SAFB2: variants seen among roughly 807,000 people sequenced by gnomAD.
SAFB2 encodes scaffold attachment factor B2.
Under a neutral mutation model 100.6 loss-of-function variants are expected in SAFB2, and 32 were observed. That is an observed-to-expected ratio of 0.32 (90% CI 0.24 to 0.43). The LOEUF (loss-of-function observed/expected upper bound fraction) is 0.43, where lower values mean the gene tolerates loss of function less well. SAFB2 is among the 20% of genes least tolerant of loss of function. The probability of loss-of-function intolerance (pLI) is 1.00; values close to 1 mark genes in which losing one functional copy is unlikely to be tolerated. For synonymous variants in SAFB2, 500 were observed against 439.4 expected (o/e 1.14, Z -1.72); for missense variants, 1,185 against 1,163.4 (o/e 1.02, Z -0.27).
At chr19:5,617,879 C>T (rs1007120200) in intron 2 of SAFB2, among the ~76,000 whole-genome samples, 2 of 152,136 alleles carry the variant, frequency 1.3e-5, no homozygotes, top group African/African-American at 2.4e-5. Flanking sequence ...CAGTGGTTCA[C>T]GCCTGTAATC....
chr19:5,587,288 T>G lies in SAFB2; in HGVS notation c.2817A>C (p.Pro939=), dbSNP rs1159510618. The change falls in exon 21 of 21, where the codon CCA becomes CCC. Residue 939 remains proline (P), a synonymous_variant. Transcript: ENST00000252542. The surrounding 1 kb of genome is among the most constrained non-coding windows in gnomAD (Gnocchi z 4.9). ...SQDRGSRVPH[P]HPHPPPYPHF... is the part of the protein sequence containing the mutation. ...GGGGGTACGGGGGGGGATGAGGGTGTGGGTGAGGGACTCTGCTGCCCCGGT... is the reference window on the plus strand; with the variant it reads ...GGGGGTACGGGGGGGGATGAGGGTGGGGGTGAGGGACTCTGCTGCCCCGGT... The G allele has an allele frequency of 1.2e-6, 2 of 1,610,308 alleles. No homozygotes were observed. The highest frequency in any genetic ancestry group is 2.2e-5 in the South Asian group (2 of 90,792).
chr19:5,614,883 C>T (rs759762843), intron 4 of SAFB2, among the ~76,000 whole-genome samples: 1 of 152,220 alleles, frequency 6.6e-6, no homozygotes, highest in Non-Finnish European at 1.5e-5. Flanking sequence ...CTGTACTTTA[C>T]ATCTTTTAAT....
intron 18 of SAFB2, among the ~76,000 whole-genome samples, chr19:5,588,305 T>C (rs187197970): frequency 1.3e-5 from 2 of 151,728 alleles, no homozygotes; most frequent in East Asian, 3.9e-4. Flanking sequence ...CCACTGCTGG[T>C]GGAAATGTAA....
chr19:5,621,186 C>G, intron 2 of SAFB2, 123 bp downstream of exon 2: 1 of 716,940 alleles, frequency 1.4e-6, no homozygotes, highest in Non-Finnish European at 2.6e-6. Flanking sequence ...AAAGCTAACT[C>G]TTAGTGGAGG....
At chr19:5,602,132 T>A (rs1471240849) in intron 11 of SAFB2, among the ~76,000 whole-genome samples, 1 of 151,968 alleles carries the variant, frequency 6.6e-6, no homozygotes, top group African/African-American at 2.4e-5. Flanking sequence ...CAAAACAAAT[T>A]TTTAAATGCT....
chr19:5,600,005 A>G (rs910842003), intron 12 of SAFB2, 125 bp downstream of exon 12: 5 of 958,124 alleles, frequency 5.2e-6, no homozygotes, highest in Middle Eastern at 5.6e-4. Context: ...TTTCTTTAAC[A>G]CTGCCATATG....
rs1470294925 is a variant in SAFB2 at position 5,587,793 on chromosome 19, C to T, written c.2639-26G>A. The T allele has an allele frequency of 6.4e-7, 1 of 1,554,974 alleles. No homozygotes were observed. The highest frequency in any genetic ancestry group is 2.0e-5 in the Admixed American group (1 of 51,202). On this transcript the variant is annotated intron_variant, in intron 19 of 20. Coordinates refer to ENST00000252542, the MANE Select transcript of SAFB2 (RefSeq NM_014649.3). This position sits in a 1 kb window ranked among gnomAD's most constrained non-coding sequence, Gnocchi z 4.9. ...CTAGAAGAGAAGAAGGGTCTGCAAA[C>T]ACTCCGTTCCTGGGGAAGCCCCTGG... is the stretch of plus-strand genomic sequence containing the variant.
At chr19:5,621,557 A>G (rs915895204) in intron 1 of SAFB2, among the ~76,000 whole-genome samples, 161 bp from the exon 2 acceptor site, 12 of 152,210 alleles carry the variant, frequency 7.9e-5, no homozygotes, top group Non-Finnish European at 1.6e-4. Flanking sequence ...CGGAGGAGGA[A>G]CCCCGCACAA....
intron 2 of SAFB2, among the ~76,000 whole-genome samples, chr19:5,619,413 C>T (rs989197337): frequency 1.3e-5 from 2 of 152,236 alleles, no homozygotes; most frequent in African/African-American, 2.4e-5. Flanking sequence ...ACTTTATCAT[C>T]CAAGCTTTCC....
chr19:5,620,608 T>C (rs76586344), intron 2 of SAFB2, among the ~76,000 whole-genome samples: 4 of 152,234 alleles, frequency 2.6e-5, no homozygotes, highest in Admixed American at 6.5e-5. Context: ...CTACATGAAA[T>C]GTCCACAATA....
chr19:5,607,005 T>C (rs2052789169), intron 9 of SAFB2, among the ~76,000 whole-genome samples: 1 of 152,232 alleles, frequency 6.6e-6, no homozygotes, highest in Non-Finnish European at 1.5e-5. Context: ...CTCACGCCTG[T>C]AATCTCAGCA....
rs2052880964 is a variant in SAFB2 at position 5,610,255 on chromosome 19, GA to G, written c.1196-161del. 4 of 627,420 alleles carry G rather than the reference GA, an allele frequency of 6.4e-6. No individual in the cohort carries two copies. In the Admixed American group the frequency reaches 1.1e-4, roughly 17 times the overall value. 38.9% of individuals were successfully genotyped at this position (627,420 alleles called of 1,614,324 possible). ...CACACATGCCAACACACAGAAGGCT[GA>G]AAATCTGGACAGCAAAAACTGAGTT... is the stretch of plus-strand genomic sequence containing the variant. On this transcript the variant is annotated intron_variant, in intron 8 of 20. Coordinates refer to ENST00000252542, the MANE Select transcript of SAFB2 (RefSeq NM_014649.3).
Position 5,600,158 on chromosome 19 carries a change from A to G in SAFB2, c.1662T>C (p.Pro554=). Residue 554 remains proline, a synonymous_variant, in exon 12 of 21, where the codon CCT becomes CCC. Transcript: ENST00000252542. ...ATTTGGTGACTCTAGACCGATTTGT[A>G]GGTCCGGGTTTCAGCTCATCCTGGT... ...EKDQDELKPG[P]TNRSRVTKSG... 2 of 1,614,082 alleles carry G rather than the reference A, an allele frequency of 1.2e-6. No individual in the cohort carries two copies. Among genetic ancestry groups the G allele is most frequent in the Non-Finnish European group, 1.7e-6 (2 of 1,180,008 alleles).
Position 5,616,438 on chromosome 19 carries a change from T to A in SAFB2, c.323A>T (p.Asp108Val), listed in dbSNP as rs1173375428. Reference protein sequence around the residue: ...EGTEDNGLEDDSRDGQEDMEA... With the variant: ...EGTEDNGLEDVSRDGQEDMEA... ...ATCACTTACCTGCCCGTCTCTGGAA[T>A]CGTCTTCCAGGCCATTATCTTCTGT... The change falls in exon 3 of 21, where the codon GAT (aspartate) becomes GTT (valine). Residue 108 changes from aspartate to valine, a missense_variant. By Grantham distance (152) the Asp-to-Val change is radical (BLOSUM62 -3). Around this residue, in one of 3 missense-constraint regions of SAFB2, gnomAD observed 351 missense variants for 341.2 expected, o/e 1.03. Coordinates refer to ENST00000252542, the MANE Select transcript of SAFB2 (RefSeq NM_014649.3). 6.2e-7 allele frequency: 1 copy of A among 1,614,088 alleles called. No individual in the cohort carries two copies. Among genetic ancestry groups the A allele is most frequent in the South Asian group, 1.1e-5 (1 of 91,070 alleles).
intron 11 of SAFB2, among the ~76,000 whole-genome samples, chr19:5,601,388 A>G (rs2052653510): frequency 6.6e-6 from 1 of 152,076 alleles, no homozygotes; most frequent in Admixed American, 6.6e-5. Flanking sequence ...TACACTGCTT[A>G]CTTTTGTCAC....
At chr19:5,610,454 A>C (rs2052884736) in intron 8 of SAFB2, 185 bp downstream of exon 8, 3 of 623,230 alleles carry the variant, frequency 4.8e-6, no homozygotes, top group East Asian at 2.8e-5. Flanking sequence ...CAACCACAAG[A>C]GAAACATAAA....
At chr19:5,605,771 G>C (rs2052761870) in intron 9 of SAFB2, among the ~76,000 whole-genome samples, 1 of 152,200 alleles carries the variant, frequency 6.6e-6, no homozygotes, top group Non-Finnish European at 1.5e-5. Flanking sequence ...CTGGACATCA[G>C]GCTGCCCAAG....
intron 18 of SAFB2, among the ~76,000 whole-genome samples, chr19:5,589,263 T>G (rs1014074029): frequency 1.6e-4 from 24 of 152,144 alleles, no homozygotes; most frequent in Admixed American, 2.0e-4. Flanking sequence ...AGGACAGGAA[T>G]GCTAATGAAG....
intron 12 of SAFB2, among the ~76,000 whole-genome samples, chr19:5,599,401 G>C (rs574346462): frequency 6.6e-5 from 10 of 152,256 alleles, no homozygotes; most frequent in Non-Finnish European, 7.4e-5. Flanking sequence ...TAAACCACTG[G>C]AACAATGACT....
Sources: allele counts gnomAD v4.1 joint callset (sites outside exome capture counted in the v4.1 genomes callset), GRCh38; gene constraint gnomAD v4.1.1; regional missense constraint gnomAD v4.1.1; non-coding constraint Gnocchi (gnomAD v3.1); transcripts MANE v1.5; gene names NCBI Gene and HGNC (gene_info 2026-07-23, HGNC 2026-07-21).